MACROD2: variants seen among roughly 807,000 people sequenced by gnomAD.
The protein encoded by MACROD2 is mono-ADP ribosylhydrolase 2.
MACROD2 carries 36 observed loss-of-function variants against 70.4 expected under a neutral mutation model. That is an observed-to-expected ratio of 0.51 (90% CI 0.39 to 0.68). The LOEUF (loss-of-function observed/expected upper bound fraction) is 0.68, where lower values mean the gene tolerates loss of function less well. Ranked by LOEUF, MACROD2 falls within the 30% of genes least tolerant of loss-of-function variation. MACROD2 has a pLI of 0.00. For missense variants in MACROD2, 496 were observed against 538.4 expected (o/e 0.92, Z 0.78); for synonymous variants, 172 against 178.8 (o/e 0.96, Z 0.30).
At position 14,643,824 on chromosome 20, in the gene MACROD2, G is replaced by C. The variant is rs1985225027; in HGVS notation, c.302-41019G>C. 2.6e-5 allele frequency among the ~76,000 whole-genome samples: 4 copies of C among 152,096 alleles called. 1 individual carries two copies. Among genetic ancestry groups the C allele is most frequent in the Admixed American group, 2.6e-4 (4 of 15,238 alleles). On this transcript the variant is annotated intron_variant, in intron 4 of 17. Transcript: ENST00000684519. ...CTCATGCCACAGTACCTGAAACCTG[G>C]TATTTTATAAAGATTTGTTGAATGA...
chr20:15,395,083 T>TA (rs1397859135), intron 6 of MACROD2, among the ~76,000 whole-genome samples: 1 of 152,150 alleles, frequency 6.6e-6, no homozygotes, highest in African/African-American at 2.4e-5. Context: ...GGAGAGAGGG[T>TA]AAATGAAAGA....
chr20:14,773,952 G>A (rs925396301), intron 5 of MACROD2, among the ~76,000 whole-genome samples: 1 of 152,010 alleles, frequency 6.6e-6, no homozygotes, highest in African/African-American at 2.4e-5. Context: ...CCACCTGATA[G>A]GAAAGCATAT....
At chr20:15,115,470 C>T (rs1345338851) in intron 5 of MACROD2, among the ~76,000 whole-genome samples, 1 of 152,086 alleles carries the variant, frequency 6.6e-6, no homozygotes, top group African/African-American at 2.4e-5. Flanking sequence ...GTGATCCTCC[C>T]AACTCAGCCT....
rs138526717 is a variant in MACROD2, at chr20:14,210,478, A to G, written c.271+124750A>G. 7.2e-3 allele frequency among the ~76,000 whole-genome samples: 1,101 copies of G among 152,246 alleles called. 12 individuals are homozygous for G. The highest frequency in any genetic ancestry group is 0.025 in the African/African-American group (1,045 of 41,546). On this transcript the variant is annotated intron_variant, in intron 3 of 17. Transcript: ENST00000684519. Reference sequence around the variant, plus strand: ...TGGTGTGGACAGCTGACAGAGAAGAAAAGCAGGTAGATAGGCTCACCTAGA... The same window carrying G: ...TGGTGTGGACAGCTGACAGAGAAGAGAAGCAGGTAGATAGGCTCACCTAGA...
At chr20:15,128,858 T>C (rs1235190247) in intron 5 of MACROD2, among the ~76,000 whole-genome samples, 1 of 151,308 alleles carries the variant, frequency 6.6e-6, no homozygotes, top group Non-Finnish European at 1.5e-5. Context: ...TTTTTTTTCA[T>C]CTACTTTTTG....
chr20:15,431,407 A>G lies in MACROD2; in HGVS notation c.543A>G (p.Ala181=), dbSNP rs780359029. ...TTATTTTTGTGGTTTATTCACAGGC[A>G]TTTCCCTGCATCTCAACAGGCATTT... is the stretch of plus-strand genomic sequence containing the variant. ...LVKENNIRSV[A]FPCISTGIYG... is the part of the protein sequence containing the mutation. The change falls in exon 7 of 18, where the codon GCA becomes GCG. Residue 181 remains alanine, a splice_region_variant and synonymous_variant. Coordinates refer to ENST00000684519, the MANE Select transcript of MACROD2 (RefSeq NM_001351661.2). 72 of 1,611,074 alleles carry G rather than the reference A, an allele frequency of 4.5e-5. No individual in the cohort carries two copies. Among genetic ancestry groups the G allele is most frequent in the Non-Finnish European group, 5.9e-5 (70 of 1,177,956 alleles).
intron 5 of MACROD2, chr20:14,929,329 A>C (rs541257401): frequency 7.9e-5 from 12 of 152,244 alleles, no homozygotes; most frequent in African/African-American, 2.9e-4. Flanking sequence ...CAAGTTCAAT[A>C]ATTTGTTAGA....
At chr20:15,902,994 A>C (rs1421596245) in intron 10 of MACROD2, among the ~76,000 whole-genome samples, 1 of 152,258 alleles carries the variant, frequency 6.6e-6, no homozygotes, top group South Asian at 2.1e-4. Flanking sequence ...GATCTCTCTG[A>C]TTATTAAGTT....
rs144774289 is a variant in MACROD2 at position 15,728,397 on chromosome 20, A to G, written c.646-134348A>G. 4.3e-3 allele frequency among the ~76,000 whole-genome samples: 660 copies of G among 152,300 alleles called. 4 individuals are homozygous for G. Among genetic ancestry groups the G allele is most frequent in the African/African-American group, 0.013 (553 of 41,580 alleles). On this transcript the variant is annotated intron_variant, in intron 8 of 17. Coordinates refer to ENST00000684519, the MANE Select transcript of MACROD2 (RefSeq NM_001351661.2). ...TGTGTCTCTGCTAGGTTTTGGTATC[A>G]GGATAATGCTGGCCTAATAGAATGA...
chr20:15,417,722 C>T (rs934968504), intron 6 of MACROD2, among the ~76,000 whole-genome samples: 11 of 151,970 alleles, frequency 7.2e-5, no homozygotes, highest in East Asian at 5.8e-4. Flanking sequence ...TGGGCTCCAC[C>T]GCAGACCTTC....
intron 3 of MACROD2, among the ~76,000 whole-genome samples, chr20:14,284,555 T>G (rs1352061787): frequency 6.6e-6 from 1 of 152,224 alleles, no homozygotes; most frequent in African/African-American, 2.4e-5. Flanking sequence ...TTAGCTGAAT[T>G]TGTATTGGTA....
At chr20:15,305,228 T>C (rs1430348408) in intron 6 of MACROD2, among the ~76,000 whole-genome samples, 1 of 151,392 alleles carries the variant, frequency 6.6e-6, no homozygotes, top group Non-Finnish European at 1.5e-5. Flanking sequence ...GTTCCTTTTA[T>C]TTGTTTTTTT....
intron 5 of MACROD2, among the ~76,000 whole-genome samples, chr20:15,019,596 A>G (rs1268015282): frequency 6.6e-6 from 1 of 152,196 alleles, no homozygotes; most frequent in African/African-American, 2.4e-5. Context: ...CCAAGGGTGG[A>G]GTTCTTTAAA....
chr20:15,499,719 TC>T, intron 7 of MACROD2, 54 bp from the exon 8 acceptor site: 2 of 1,527,566 alleles, frequency 1.3e-6, no homozygotes, highest in South Asian at 2.2e-5. Flanking sequence ...GTGATTAGCC[TC>T]CCTTTTGCCT....
intron 5 of MACROD2, among the ~76,000 whole-genome samples, chr20:14,724,653 G>T (rs940301643): frequency 6.6e-6 from 1 of 152,130 alleles, no homozygotes; most frequent in Non-Finnish European, 1.5e-5. Context: ...AACACATATG[G>T]TAACAATTCT....
rs191831953 is a variant in MACROD2, at chr20:15,348,060, C to T, written c.541-83345C>T. Among the ~76,000 whole-genome samples the T allele has an allele frequency of 9.8e-5, 15 of 152,312 alleles. No individual in the cohort carries two copies. In the East Asian group the frequency reaches 2.9e-3, roughly 29 times the overall value. On this transcript the variant is annotated intron_variant, in intron 6 of 17. Transcript: ENST00000684519. ...CACACAATCTTTCCATCTACCTCTA[C>T]ATTTGATGACACTATGTGATAGTGT...
intron 5 of MACROD2, among the ~76,000 whole-genome samples, chr20:14,705,444 T>G (rs1411169251): frequency 6.6e-6 from 1 of 152,176 alleles, no homozygotes; most frequent in Non-Finnish European, 1.5e-5. Flanking sequence ...TTAGTCTGAG[T>G]AAGTCTATAT....
At chr20:14,539,443 G>A (rs1158555650) in intron 4 of MACROD2, among the ~76,000 whole-genome samples, 5 of 152,174 alleles carry the variant, frequency 3.3e-5, no homozygotes, top group East Asian at 1.9e-4. Context: ...AAGGGAGAGT[G>A]TTGGGGGAGT....
At chr20:14,003,479 G>T in intron 2 of MACROD2, 1 of 203,132 alleles carries the variant, frequency 4.9e-6, no homozygotes, top group Non-Finnish European at 1.0e-5. Flanking sequence ...AAGCTGATTG[G>T]GATGTGCACA....
Sources: gnomAD v4.1 joint callset for allele counts (sites outside exome capture counted in the v4.1 genomes callset) on GRCh38, gnomAD v4.1.1 for gene constraint, MANE v1.5 for transcripts, NCBI Gene and HGNC (gene_info 2026-07-23, HGNC 2026-07-21) for gene names.